The following PCSK5 variants were observed in gnomAD, a reference collection of about 807,000 sequenced individuals.
PCSK5 encodes the protein proprotein convertase subtilisin/kexin type 5, also known as prohormone convertase 5.
PCSK5 carries 129 observed loss-of-function variants against 233.2 expected under a neutral mutation model. The ratio of observed to expected loss-of-function variants is 0.55; its 90% CI spans 0.48 to 0.64. The LOEUF is 0.64. Ranked by LOEUF, PCSK5 falls within the 30% of genes least tolerant of loss-of-function variation. The pLI is 0.00. For missense variants in PCSK5, 2,076 were observed against 2,430.1 expected (o/e 0.85, Z 3.06); for synonymous variants, 825 against 879.2 (o/e 0.94, Z 1.09).
chr9:76,325,857 G>A (rs1192073279), intron 32 of PCSK5, among the ~76,000 whole-genome samples: 3 of 152,022 alleles, frequency 2.0e-5, no homozygotes, highest in Admixed American at 6.6e-5. Context: ...GGGTGGTCTC[G>A]AACTCCTGAC....
At position 76,179,821 on chromosome 9, in the gene PCSK5, C is replaced by T. The variant is rs138325299; in HGVS notation, c.2003+123C>T. 47 of 651,648 alleles carry T rather than the reference C, an allele frequency of 7.2e-5. No homozygotes were observed. The African/African-American group carries it at 7.6e-4, about 11-fold the overall frequency. 40.4% of individuals were successfully genotyped at this position (651,648 alleles called of 1,614,324 possible). A position where few individuals can be genotyped will look rare whatever the true frequency, so the allele number is the denominator to read the frequency against. On this transcript the variant is annotated intron_variant, in intron 15 of 37. Transcript: ENST00000674117. ...TCTTCCACTATTCTCCCACCAGGACCGAAACATAGAAAAGAGGCTGCTGTG... is the reference window on the plus strand; with the variant it reads ...TCTTCCACTATTCTCCCACCAGGACTGAAACATAGAAAAGAGGCTGCTGTG...
In PCSK5 at chr9:76,137,882, C is replaced by T. The variant is rs1203623463; in HGVS notation, c.1312+3670C>T. ...GGGGTTTTGTTAGTATTATTTCTTT[C>T]CTCCCCTTGATCCCTTCCCTTTCTG... On this transcript the variant is annotated intron_variant, in intron 10 of 37. Coordinates refer to ENST00000674117, the MANE Select transcript of PCSK5 (RefSeq NM_001372043.1). Among the ~76,000 whole-genome samples, 4 of 134,412 alleles carry T rather than the reference C, an allele frequency of 3.0e-5. No homozygotes were observed. The East Asian group carries it at 1.4e-3, about 46-fold the overall frequency. The allele number at this position is 134,412 out of a possible 152,430, so 88.2% of individuals were successfully genotyped here. A position where few individuals can be genotyped will look rare whatever the true frequency, so the allele number is the denominator to read the frequency against.
Position 76,044,340 on chromosome 9 carries a change from A to G in PCSK5, c.632+17303A>G, listed in dbSNP as rs1044175579. ...GTTTTACTAATATGAGGAGATTAGAATTAATGAGATGGGAAGTAAATGTGA... is the reference window on the plus strand; with the variant it reads ...GTTTTACTAATATGAGGAGATTAGAGTTAATGAGATGGGAAGTAAATGTGA... On this transcript the variant is annotated intron_variant, in intron 5 of 37. Coordinates refer to ENST00000674117, the MANE Select transcript of PCSK5 (RefSeq NM_001372043.1). Among the ~76,000 whole-genome samples the G allele has an allele frequency of 9.4e-4, 143 of 152,220 alleles. 1 individual carries two copies. The highest frequency in any genetic ancestry group is 3.2e-3 in the African/African-American group (134 of 41,458).
At chr9:76,326,216 A>G (rs186691545) in intron 32 of PCSK5, among the ~76,000 whole-genome samples, 7 of 152,134 alleles carry the variant, frequency 4.6e-5, no homozygotes, top group Non-Finnish European at 7.4e-5. Context: ...TATTTCTAAA[A>G]CAAAAATAAT....
chr9:76,033,654 A>G (rs550748544), intron 5 of PCSK5, among the ~76,000 whole-genome samples: 37 of 152,164 alleles, frequency 2.4e-4, no homozygotes, highest in African/African-American at 8.7e-4. Context: ...AATAACTTAG[A>G]CTGGGTAATT....
intron 20 of PCSK5, among the ~76,000 whole-genome samples, chr9:76,212,214 C>T (rs1825355840): frequency 1.3e-5 from 2 of 152,116 alleles, no homozygotes; most frequent in Non-Finnish European, 2.9e-5. Flanking sequence ...ACATTTCTTT[C>T]ATCATTTTGG....
At chr9:76,084,307 G>A (rs537879260) in intron 7 of PCSK5, among the ~76,000 whole-genome samples, 4 of 152,176 alleles carry the variant, frequency 2.6e-5, no homozygotes, top group African/African-American at 9.6e-5. Context: ...AATGTGAATT[G>A]TTGTGCATTT....
intron 5 of PCSK5, among the ~76,000 whole-genome samples, chr9:76,029,432 A>G (rs1443632597): frequency 6.6e-6 from 1 of 152,220 alleles, no homozygotes; most frequent in African/African-American, 2.4e-5. Flanking sequence ...AGTTTTTGGA[A>G]CATAATTTTT....
At chr9:76,175,344 C>A in intron 14 of PCSK5, 2 of 513,434 alleles carry the variant, frequency 3.9e-6, no homozygotes, top group Non-Finnish European at 6.8e-6. Flanking sequence ...ACAGAACAAT[C>A]TACTACCCAT....
At chr9:76,275,087 C>T (rs1196332367) in intron 24 of PCSK5, among the ~76,000 whole-genome samples, 1 of 151,666 alleles carries the variant, frequency 6.6e-6, no homozygotes, top group African/African-American at 2.4e-5. Context: ...CTGCCTCTAA[C>T]ATTGGAGATA....
At chr9:76,040,397 C>CTG (rs1587537519) in intron 5 of PCSK5, among the ~76,000 whole-genome samples, 33 of 121,646 alleles carry the variant, frequency 2.7e-4, no homozygotes, top group South Asian at 1.4e-3. Flanking sequence ...CTCTCTCTCT[C>CTG]TCTCTCTCTC....
chr9:76,064,820 G>A (rs987876743), intron 5 of PCSK5, among the ~76,000 whole-genome samples: 1 of 151,934 alleles, frequency 6.6e-6, no homozygotes. Context: ...ATGGGCGGCC[G>A]GGCAGAGACG....
rs767568834 is a variant in PCSK5, at chr9:76,157,146, A to G, written c.1414A>G (p.Thr472Ala). 3.7e-6 allele frequency: 6 copies of G among 1,611,778 alleles called. No individual in the cohort carries two copies. The South Asian group carries it at 6.6e-5, about 18-fold the overall frequency. Residue 472 changes from threonine (T) to alanine (A), a missense_variant, in exon 11 of 38, where the codon ACA (threonine) becomes GCA (alanine). Transcript: ENST00000674117. ...CCGGCAGCACGTGTGTGTGGAGAGC[A>G]CAGACCGACAAATCAAGTAATGCTT... is the stretch of plus-strand genomic sequence containing the variant. ...VPRQHVCVES[T>A]DRQIKTIRPN...
intron 3 of PCSK5, among the ~76,000 whole-genome samples, chr9:75,998,363 A>G (rs1298562477): frequency 6.6e-6 from 1 of 152,114 alleles, no homozygotes; most frequent in Non-Finnish European, 1.5e-5. Context: ...AAAAACAAAC[A>G]CTGTGCATGT....
chr9:76,072,166 G>A (rs900995683), intron 7 of PCSK5, among the ~76,000 whole-genome samples: 4 of 152,170 alleles, frequency 2.6e-5, no homozygotes, highest in African/African-American at 9.7e-5. Context: ...ATATTAATAC[G>A]TTAATCTTGC....
intron 20 of PCSK5, among the ~76,000 whole-genome samples, chr9:76,219,130 C>T (rs1825640146): frequency 6.6e-6 from 1 of 152,174 alleles, no homozygotes; most frequent in African/African-American, 2.4e-5. Flanking sequence ...GTATGCAGCT[C>T]CTCCTCTCTC....
intron 13 of PCSK5, among the ~76,000 whole-genome samples, chr9:76,171,682 G>A (rs1823336670): frequency 1.3e-5 from 2 of 152,134 alleles, no homozygotes; most frequent in African/African-American, 4.8e-5. Context: ...ATAATCTAGA[G>A]TTACCTATTT....
At chr9:76,239,778 A>C (rs1175031955) in intron 23 of PCSK5, among the ~76,000 whole-genome samples, 1 of 152,026 alleles carries the variant, frequency 6.6e-6, no homozygotes, top group African/African-American at 2.4e-5. Context: ...TGGACAGGAT[A>C]TAGGTGAGAG....
intron 3 of PCSK5, among the ~76,000 whole-genome samples, chr9:76,008,515 G>A (rs1210054679): frequency 1.3e-5 from 2 of 151,476 alleles, no homozygotes; most frequent in African/African-American, 4.9e-5. Flanking sequence ...AGGCTGGAGT[G>A]CAGTGGCGCA....
Sources: gnomAD v4.1 joint callset for allele counts (sites outside exome capture counted in the v4.1 genomes callset) on GRCh38, gnomAD v4.1.1 for gene constraint, MANE v1.5 for transcripts, NCBI Gene and HGNC (gene_info 2026-07-23, HGNC 2026-07-21) for gene names.